DOCK3: variants seen among roughly 807,000 people sequenced by gnomAD.
The protein encoded by DOCK3 is dedicator of cytokinesis protein 3.
In DOCK3, 60 loss-of-function variants were observed where a neutral mutation model predicts 265.6. The observed-to-expected ratio is 0.23, with a 90% CI of 0.18 to 0.28. The LOEUF (loss-of-function observed/expected upper bound fraction) is 0.28. Ranked by LOEUF, DOCK3 falls within the 10% of genes least tolerant of loss-of-function variation. The pLI, the probability that DOCK3 is intolerant of heterozygous loss-of-function variation, is 1.00. For missense variants in DOCK3, 1,981 were observed against 2,594.3 expected (o/e 0.76, Z 5.14); for synonymous variants, 881 against 938.0 (o/e 0.94, Z 1.11).
intron 9 of DOCK3, among the ~76,000 whole-genome samples, chr3:51,136,601 G>T (rs1039868640): frequency 6.6e-6 from 1 of 151,988 alleles, no homozygotes; most frequent in Non-Finnish European, 1.5e-5. Context: ...TGGTTTATGT[G>T]TGTCTCTGTT....
At chr3:50,864,283 AT>A (rs1201243671) in intron 3 of DOCK3, among the ~76,000 whole-genome samples, 5 of 152,118 alleles carry the variant, frequency 3.3e-5, no homozygotes, top group Admixed American at 2.0e-4. Flanking sequence ...TATTTTGTCC[AT>A]TTTAAAATTG....
intron 5 of DOCK3, among the ~76,000 whole-genome samples, chr3:50,954,437 A>G (rs546990297): frequency 3.9e-5 from 6 of 152,282 alleles, no homozygotes; most frequent in Non-Finnish European, 7.4e-5. Flanking sequence ...CACATGCTCT[A>G]TGACCTGATG....
Position 51,204,801 on chromosome 3 carries a change from T to C in DOCK3, c.1038-3973T>C, listed in dbSNP as rs2089069655. On this transcript the variant is annotated intron_variant, in intron 12 of 52. Coordinates refer to ENST00000266037, the MANE Select transcript of DOCK3 (RefSeq NM_004947.5). Reference sequence around the variant, plus strand: ...ACAATGATAGACTGGATTAAGAAAATGTGGCACATATACACCATGGAATAC... The same window carrying C: ...ACAATGATAGACTGGATTAAGAAAACGTGGCACATATACACCATGGAATAC... 6.6e-5 allele frequency among the ~76,000 whole-genome samples: 10 copies of C among 151,528 alleles called. No individual in the cohort carries two copies. In the South Asian group the frequency reaches 2.1e-3, roughly 32 times the overall value.
intron 9 of DOCK3, among the ~76,000 whole-genome samples, chr3:51,110,918 A>T (rs1395326980): frequency 6.6e-6 from 1 of 152,200 alleles, no homozygotes; most frequent in Non-Finnish European, 1.5e-5. Context: ...ACATGGTTCT[A>T]TTCTAGAAAA....
chr3:50,739,308 C>T (rs563178589), intron 1 of DOCK3, among the ~76,000 whole-genome samples: 2 of 152,186 alleles, frequency 1.3e-5, no homozygotes, highest in South Asian at 4.1e-4. Context: ...CTTCCCCTTC[C>T]TTAACTGTGT....
At chr3:50,705,685 G>T (rs898355062) in intron 1 of DOCK3, among the ~76,000 whole-genome samples, 1 of 152,080 alleles carries the variant, frequency 6.6e-6, no homozygotes, top group African/African-American at 2.4e-5. Flanking sequence ...AAAATGCTGG[G>T]ATTACAGGCA....
chr3:51,381,084 G>T lies in DOCK3; in HGVS notation c.5618G>T (p.Ser1873Ile). Residue 1873 changes from serine to isoleucine, a missense_variant, in exon 53 of 53, where the codon AGC (serine) becomes ATC (isoleucine). Physicochemically the swap from Ser to Ile is moderately radical, Grantham distance 142. Transcript: ENST00000266037. This position sits in a 1 kb window ranked among gnomAD's most constrained non-coding sequence, Gnocchi z 5.6. ...CACCCTATCCCAGCCTCCCCCACAA[G>T]CCCCCAGTCAGGTCTGGACGGCAGC... is the stretch of plus-strand genomic sequence containing the variant. Reference protein sequence around the residue: ...PLHPIPASPTSPQSGLDGSNS... With the variant: ...PLHPIPASPTIPQSGLDGSNS... 1 of 1,607,856 alleles carries T rather than the reference G, an allele frequency of 6.2e-7. No individual in the cohort carries two copies. Among genetic ancestry groups the T allele is most frequent in the Non-Finnish European group, 8.5e-7 (1 of 1,175,504 alleles).
intron 9 of DOCK3, among the ~76,000 whole-genome samples, chr3:51,102,525 A>G (rs1334509950): frequency 6.6e-6 from 1 of 152,234 alleles, no homozygotes. Context: ...CTGGAGACTC[A>G]TGAGAGAGAA....
chr3:51,067,268 ACAAAC>A (rs1440448557), intron 6 of DOCK3, among the ~76,000 whole-genome samples: 1 of 152,170 alleles, frequency 6.6e-6, no homozygotes, highest in Non-Finnish European at 1.5e-5. Flanking sequence ...AACTTGAAAA[ACAAAC>A]CAATCTGATT....
intron 10 of DOCK3, among the ~76,000 whole-genome samples, chr3:51,159,001 T>G (rs2085998828): frequency 6.6e-6 from 1 of 152,208 alleles, no homozygotes; most frequent in Non-Finnish European, 1.5e-5. Flanking sequence ...TATAGACTTT[T>G]TATTTGTTAA....
chr3:50,926,398 C>G (rs142819564), intron 4 of DOCK3, among the ~76,000 whole-genome samples: 1 of 152,288 alleles, frequency 6.6e-6, no homozygotes, highest in Non-Finnish European at 1.5e-5. Context: ...TTCGTTTGTT[C>G]ATCCATTTAT....
rs2049986161 is a variant in DOCK3 at position 50,913,863 on chromosome 3, A to G, written c.219-20118A>G. 2.0e-5 allele frequency among the ~76,000 whole-genome samples: 3 copies of G among 151,956 alleles called. No individual in the cohort carries two copies. In the South Asian group the frequency reaches 6.2e-4, roughly 31 times the overall value. ...TCACGATTGTTTTTTATACCTCTTT[A>G]GTGCCTGTTTCAGCAGTATGAAGTT... On this transcript the variant is annotated intron_variant, in intron 4 of 52. Coordinates refer to ENST00000266037, the MANE Select transcript of DOCK3 (RefSeq NM_004947.5).
intron 1 of DOCK3, among the ~76,000 whole-genome samples, chr3:50,737,156 T>C (rs1226718520): frequency 6.6e-6 from 1 of 152,208 alleles, no homozygotes; most frequent in Non-Finnish European, 1.5e-5. Flanking sequence ...GTAGGTTACC[T>C]ATTCACTCTG....
At chr3:50,955,086 A>G (rs1200792318) in intron 5 of DOCK3, among the ~76,000 whole-genome samples, 2 of 152,128 alleles carry the variant, frequency 1.3e-5, no homozygotes, top group Non-Finnish European at 2.9e-5. Flanking sequence ...GGGAGCCCTC[A>G]GTGTCACTGA....
chr3:51,060,647 G>A (rs890025242), intron 5 of DOCK3, among the ~76,000 whole-genome samples: 10 of 152,154 alleles, frequency 6.6e-5, no homozygotes, highest in Non-Finnish European at 1.3e-4. Flanking sequence ...TTATTAAATA[G>A]GGAATCCTTT....
chr3:51,190,084 A>G (rs187133560), intron 12 of DOCK3, among the ~76,000 whole-genome samples: 4 of 152,240 alleles, frequency 2.6e-5, no homozygotes, highest in South Asian at 2.1e-4. Flanking sequence ...CACTTCAACT[A>G]TGCCTCTGCT....
intron 10 of DOCK3, among the ~76,000 whole-genome samples, chr3:51,150,117 T>C (rs529697880): frequency 5.3e-5 from 8 of 152,334 alleles, no homozygotes; most frequent in African/African-American, 1.9e-4. Context: ...ATTTTCTAGT[T>C]TATTTGTGTA....
chr3:51,009,234 A>G (rs1017125150), intron 5 of DOCK3, among the ~76,000 whole-genome samples: 77 of 152,090 alleles, frequency 5.1e-4, no homozygotes, highest in African/African-American at 1.8e-3. Context: ...TCGGCTGTGA[A>G]CCCATCTGGT....
chr3:51,243,354 A>G (rs4974095), intron 21 of DOCK3, among the ~76,000 whole-genome samples: 138,805 of 152,182 alleles, frequency 0.91, 63,446 homozygotes, highest in African/African-American at 0.96. Flanking sequence ...AGAGGCCATT[A>G]GTAAGAGCAA....
Sources: allele counts gnomAD v4.1 joint callset (sites outside exome capture counted in the v4.1 genomes callset), GRCh38; gene constraint gnomAD v4.1.1; non-coding constraint Gnocchi (gnomAD v3.1); transcripts MANE v1.5; gene names NCBI Gene and HGNC (gene_info 2026-07-23, HGNC 2026-07-21).